KCNIP4: variants seen among roughly 807,000 people sequenced by gnomAD.
KCNIP4 encodes the protein potassium voltage-gated channel interacting protein 4, also known as Kv channel-interacting protein 4.
In KCNIP4, 12 loss-of-function variants were observed where a neutral mutation model predicts 34.0. That is an observed-to-expected ratio of 0.35 (90% CI 0.23 to 0.57). The LOEUF (loss-of-function observed/expected upper bound fraction) is 0.57. KCNIP4 is among the 20% of genes least tolerant of loss of function. The pLI is 0.83. For missense variants in KCNIP4, 238 were observed against 311.7 expected, an observed-to-expected ratio of 0.76 and a Z score of 1.78; for synonymous variants, 124 against 102.2, an observed-to-expected ratio of 1.21 and a Z score of -1.29.
At chr4:21,579,996 C>G (rs1169920250) in intron 1 of KCNIP4, among the ~76,000 whole-genome samples, 1 of 152,010 alleles carries the variant, frequency 6.6e-6, no homozygotes, top group African/African-American at 2.4e-5. Context: ...TTAACTACAG[C>G]TAAATATATA....
intron 1 of KCNIP4, among the ~76,000 whole-genome samples, chr4:21,431,612 G>A (rs916325460): frequency 6.6e-6 from 1 of 152,030 alleles, no homozygotes; most frequent in Non-Finnish European, 1.5e-5. Context: ...ATCCAGATAA[G>A]GTTGACATAT....
At chr4:21,310,984 G>A (rs564346861) in intron 1 of KCNIP4, among the ~76,000 whole-genome samples, 183 of 152,272 alleles carry the variant, frequency 1.2e-3, no homozygotes, top group African/African-American at 4.3e-3. Context: ...TTATGGCAGA[G>A]GCAGTACAAT....
intron 1 of KCNIP4, among the ~76,000 whole-genome samples, chr4:21,936,448 A>T (rs538471353): frequency 6.6e-6 from 1 of 152,250 alleles, no homozygotes; most frequent in South Asian, 2.1e-4. Flanking sequence ...TTTCCTTTAT[A>T]AATTACCCAG....
chr4:20,840,516 G>A (rs1719588728), intron 3 of KCNIP4, among the ~76,000 whole-genome samples: 1 of 152,062 alleles, frequency 6.6e-6, no homozygotes, highest in Non-Finnish European at 1.5e-5. Flanking sequence ...TGGAATGTCT[G>A]TTAGTCCAAA....
intron 1 of KCNIP4, among the ~76,000 whole-genome samples, chr4:20,998,039 G>A (rs1050215946): frequency 7.2e-5 from 11 of 152,204 alleles, no homozygotes; most frequent in East Asian, 3.8e-4. Context: ...GAGGGCCAGA[G>A]TGAGAGAGAA....
intron 1 of KCNIP4, among the ~76,000 whole-genome samples, chr4:21,283,941 C>T (rs111604133): frequency 0.027 from 4,146 of 152,120 alleles, 199 homozygotes; most frequent in African/African-American, 0.096. Flanking sequence ...TGGCCGGGCA[C>T]GGTGGCTCAC....
chr4:21,371,202 G>A (rs1333038591), intron 1 of KCNIP4, among the ~76,000 whole-genome samples: 1 of 145,530 alleles, frequency 6.9e-6, no homozygotes, highest in East Asian at 2.0e-4. Flanking sequence ...AGGGTTTTAG[G>A]TACAGGAATG....
intron 1 of KCNIP4, among the ~76,000 whole-genome samples, chr4:21,150,185 A>G (rs1207659203): frequency 1.3e-5 from 2 of 152,194 alleles, no homozygotes; most frequent in Non-Finnish European, 2.9e-5. Flanking sequence ...ATTGGAGCCA[A>G]TCTTCTAGTT....
Position 20,790,574 on chromosome 4 carries a change from T to C in KCNIP4, c.289-31684A>G, listed in dbSNP as rs531302055. On this transcript the variant is annotated intron_variant, in intron 3 of 8. Coordinates refer to ENST00000382152, the MANE Select transcript of KCNIP4 (RefSeq NM_025221.6). Reference sequence around the variant, plus strand: ...TTTTTAATTTTTTTTTTTTACTTTTTAAACTTTTTTGTTAAAAACCATAAC... The same window carrying C: ...TTTTTAATTTTTTTTTTTTACTTTTCAAACTTTTTTGTTAAAAACCATAAC... Among the ~76,000 whole-genome samples, 179 of 152,144 alleles carry C rather than the reference T, an allele frequency of 1.2e-3. 3 individuals carry two copies. The highest frequency in any genetic ancestry group is 6.0e-3 in the South Asian group (29 of 4,822).
intron 3 of KCNIP4, among the ~76,000 whole-genome samples, chr4:20,781,086 A>G (rs1181379991): frequency 6.6e-6 from 1 of 152,176 alleles, no homozygotes; most frequent in Non-Finnish European, 1.5e-5. Flanking sequence ...CCCAGCTACA[A>G]GAAAGGATAT....
At chr4:21,765,248 G>A (rs1479742521) in intron 1 of KCNIP4, among the ~76,000 whole-genome samples, 5 of 150,994 alleles carry the variant, frequency 3.3e-5, no homozygotes, top group Non-Finnish European at 5.9e-5. Context: ...CTCGACCTCC[G>A]GGGCTCAAGT....
intron 1 of KCNIP4, among the ~76,000 whole-genome samples, chr4:21,087,858 T>A (rs886651521): frequency 6.6e-6 from 1 of 152,326 alleles, no homozygotes; most frequent in East Asian, 1.9e-4. Context: ...TCTGAATGTA[T>A]TTTGCTGCCT....
chr4:20,809,658 C>G (rs979296011), intron 3 of KCNIP4, among the ~76,000 whole-genome samples: 1 of 152,182 alleles, frequency 6.6e-6, no homozygotes, highest in African/African-American at 2.4e-5. Context: ...TTCTGGAAGT[C>G]ATAGGGTGCA....
chr4:21,709,898 C>A (rs1428316480), intron 1 of KCNIP4, among the ~76,000 whole-genome samples: 2 of 152,082 alleles, frequency 1.3e-5, no homozygotes, highest in African/African-American at 4.8e-5. Flanking sequence ...AGGCCAAATG[C>A]CAAAAGAGAA....
At chr4:21,422,629 A>C (rs897356993) in intron 1 of KCNIP4, among the ~76,000 whole-genome samples, 2 of 151,028 alleles carry the variant, frequency 1.3e-5, no homozygotes, top group African/African-American at 2.4e-5. Context: ...ACATTGAAGT[A>C]GTTGGGGGAA....
chr4:21,012,355 G>A (rs1306101595), intron 1 of KCNIP4, among the ~76,000 whole-genome samples: 1 of 152,102 alleles, frequency 6.6e-6, no homozygotes, highest in African/African-American at 2.4e-5. Context: ...AAAGCAAGAG[G>A]ATCGCTTGAG....
At chr4:21,499,955 C>T (rs1733176147) in intron 1 of KCNIP4, among the ~76,000 whole-genome samples, 1 of 151,998 alleles carries the variant, frequency 6.6e-6, no homozygotes, top group Admixed American at 6.6e-5. Flanking sequence ...CAGAATTTAT[C>T]CTAAAAATTT....
chr4:21,656,491 A>T (rs1747947678), intron 1 of KCNIP4: 1 of 152,222 alleles, frequency 6.6e-6, no homozygotes, highest in Non-Finnish European at 1.5e-5. Context: ...CAGTTTAATA[A>T]CTTTATTTGA....
At chr4:20,841,841 G>A (rs962371552) in intron 3 of KCNIP4, among the ~76,000 whole-genome samples, 1 of 152,030 alleles carries the variant, frequency 6.6e-6, no homozygotes, top group African/African-American at 2.4e-5. Flanking sequence ...TGACGTTCCA[G>A]GTTCCAGCCA....
Sources: gnomAD v4.1 joint callset for allele counts (sites outside exome capture counted in the v4.1 genomes callset) on GRCh38, gnomAD v4.1.1 for gene constraint, MANE v1.5 for transcripts, NCBI Gene and HGNC (gene_info 2026-07-23, HGNC 2026-07-21) for gene names.